Variants in SPEN observed in about 807,000 individuals in gnomAD.
SPEN encodes the protein msx2-interacting protein.
A neutral mutation model predicts 269.9 loss-of-function variants in SPEN; 18 were observed. That is an observed-to-expected ratio of 0.07 (90% CI 0.05 to 0.10). The LOEUF (loss-of-function observed/expected upper bound fraction) is 0.10. Among genes scored for constraint, SPEN ranks in the 10% least tolerant of loss-of-function variants. SPEN has a pLI of 1.00. For missense variants in SPEN, 3,822 were observed against 4,631.2 expected (o/e 0.83, Z 5.07); for synonymous variants, 1,726 against 1,765.7 (o/e 0.98, Z 0.56).
chr1:15,939,535 C>T lies in SPEN; in HGVS notation c.*108C>T. The T allele has an allele frequency of 7.4e-7, 1 of 1,352,358 alleles. No homozygotes were observed. The highest frequency in any genetic ancestry group is 9.8e-7 in the Non-Finnish European group (1 of 1,021,376). The allele number at this position is 1,352,358 out of a possible 1,614,324, so 83.8% of individuals were successfully genotyped here. The stretch of plus-strand genomic sequence containing the variant: ...AAGCTGCCGAAGGGGACAGACTCCA[C>T]TGCCAGACGGCCAGCCGTTTGCTGT... On this transcript the variant is annotated 3_prime_UTR_variant, in exon 15 of 15. Coordinates refer to ENST00000375759, the MANE Select transcript of SPEN (RefSeq NM_015001.3). This position sits in a 1 kb window ranked among gnomAD's most constrained non-coding sequence, Gnocchi z 4.1.
chr1:15,895,686 T>TC (rs1189581845), intron 3 of SPEN, among the ~76,000 whole-genome samples: 1 of 150,626 alleles, frequency 6.6e-6, no homozygotes, highest in Non-Finnish European at 1.5e-5. Flanking sequence ...ACCTTTTTTT[T>TC]TTTTTTTTTT....
intron 3 of SPEN, among the ~76,000 whole-genome samples, chr1:15,906,056 T>C (rs1232377028): frequency 6.6e-6 from 1 of 152,240 alleles, no homozygotes; most frequent in East Asian, 1.9e-4. Context: ...TAACATATTC[T>C]ATACTGTCAT....
chr1:15,868,929 T>C lies in SPEN; in HGVS notation c.84-3887T>C, dbSNP rs140941148. ...GTAGGAGTCTTGTAATCTGAGTATA[T>C]GATTTCAAGTTACATGCTACATTTA... is the stretch of plus-strand genomic sequence containing the variant. On this transcript the variant is annotated intron_variant, in intron 1 of 14. Coordinates refer to ENST00000375759, the MANE Select transcript of SPEN (RefSeq NM_015001.3). 2.4e-3 allele frequency among the ~76,000 whole-genome samples: 367 copies of C among 152,368 alleles called. 1 individual carries two copies. The highest frequency in any genetic ancestry group is 8.4e-3 in the African/African-American group (351 of 41,582).
chr1:15,875,689 A>C (rs1376622305), intron 2 of SPEN, among the ~76,000 whole-genome samples: 3 of 152,196 alleles, frequency 2.0e-5, no homozygotes, highest in African/African-American at 7.2e-5. Flanking sequence ...AGTTAAACTT[A>C]GAAAATTTTT....
At chr1:15,878,780 C>G (rs1180360544) in intron 3 of SPEN, among the ~76,000 whole-genome samples, 2 of 152,052 alleles carry the variant, frequency 1.3e-5, no homozygotes, top group African/African-American at 4.8e-5. Context: ...GAGGCTGAGG[C>G]AGGTGGATCA....
chr1:15,906,130 A>G (rs1200084954), intron 3 of SPEN, among the ~76,000 whole-genome samples: 1 of 152,192 alleles, frequency 6.6e-6, no homozygotes, highest in Non-Finnish European at 1.5e-5. Context: ...TATAACAAGT[A>G]TCTTTTTCCT....
In SPEN at chr1:15,932,420, T is replaced by G. The variant is rs774917236; in HGVS notation, c.6180T>G (p.Val2060=). Residue 2060 remains valine (V), a synonymous_variant, in exon 11 of 15, where the codon GTT becomes GTG. Transcript: ENST00000375759. The surrounding 1 kb of genome is among the most constrained non-coding windows in gnomAD (Gnocchi z 4.2). ...TDKNPPETAP[V]EVVEKKPAPE... The stretch of plus-strand genomic sequence containing the variant: ...AAAACCCCCCTGAAACCGCCCCTGT[T>G]GAAGTTGTAGAGAAAAAACCGGCCC... 42 of 1,613,714 alleles carry G rather than the reference T, an allele frequency of 2.6e-5. No individual in the cohort carries two copies. Among genetic ancestry groups the G allele is most frequent in the Non-Finnish European group, 3.4e-5 (40 of 1,179,986 alleles).
chr1:15,905,869 G>C (rs1015892636), intron 3 of SPEN, among the ~76,000 whole-genome samples: 1 of 152,120 alleles, frequency 6.6e-6, no homozygotes, highest in Non-Finnish European at 1.5e-5. Flanking sequence ...TACCGTGCTC[G>C]GCCCTTGTTA....
Position 15,931,346 on chromosome 1 carries a change from G to T in SPEN, c.5106G>T (p.Leu1702=), listed in dbSNP as rs201041689. 1.2e-6 allele frequency: 2 copies of T among 1,614,174 alleles called. No homozygotes were observed. Among genetic ancestry groups the T allele is most frequent in the Admixed American group, 1.7e-5 (1 of 60,014 alleles). ...APVEQLEQVD[L]PPGADPDKEA... is the part of the protein sequence containing the mutation. ...TGGAACAGCTGGAACAAGTAGACCT[G>T]CCCCCAGGAGCAGACCCCGATAAAG... The change falls in exon 11 of 15, where the codon CTG becomes CTT. Residue 1702 remains leucine, a synonymous_variant. Transcript: ENST00000375759. The surrounding 1 kb of genome is among the most constrained non-coding windows in gnomAD (Gnocchi z 4.8).
In SPEN at chr1:15,930,086, G is replaced by A. The variant is rs770927533; in HGVS notation, c.3846G>A (p.Leu1282=). ...DEDPIGSPRL[L]SVKGSPKVDE... ...ATCCCATAGGCTCCCCTAGGCTACTGTCAGTAAAAGGGTCTCCTAAAGTAG... is the reference window on the plus strand; with the variant it reads ...ATCCCATAGGCTCCCCTAGGCTACTATCAGTAAAAGGGTCTCCTAAAGTAG... Residue 1282 remains leucine (L), a synonymous_variant, in exon 11 of 15, where the codon CTG becomes CTA. Transcript: ENST00000375759. This position sits in a 1 kb window ranked among gnomAD's most constrained non-coding sequence, Gnocchi z 5.3. 7.4e-6 allele frequency: 12 copies of A among 1,614,204 alleles called. No individual in the cohort carries two copies. In the East Asian group the frequency reaches 2.5e-4, roughly 33 times the overall value.
chr1:15,916,081 T>G, intron 5 of SPEN, 47 bp from the exon 6 acceptor site: 1 of 1,565,106 alleles, frequency 6.4e-7, no homozygotes, highest in Non-Finnish European at 8.6e-7. Flanking sequence ...TAAATATGCA[T>G]TAAAATACTG....
At chr1:15,857,088 G>T (rs1056813109) in intron 1 of SPEN, among the ~76,000 whole-genome samples, 1 of 150,870 alleles carries the variant, frequency 6.6e-6, no homozygotes, top group South Asian at 2.1e-4. Context: ...CTTGAGACAG[G>T]ATCTCACTTT....
At position 15,929,299 on chromosome 1, in the gene SPEN, C is replaced by T; in HGVS notation, c.3059C>T (p.Pro1020Leu). Residue 1020 changes from proline to leucine, a missense_variant, in exon 11 of 15, where the codon CCT (proline) becomes CTT (leucine). Transcript: ENST00000375759. The surrounding 1 kb of genome is among the most constrained non-coding windows in gnomAD (Gnocchi z 5.8). ...EDARVLSKKQ[P>L]DVSSREVILL... ...GCTCGCGTGCTTTCAAAAAAGCAGC[C>T]TGACGTGTCCTCTAGAGAGGTCATT... 1 of 1,614,194 alleles carries T rather than the reference C, an allele frequency of 6.2e-7. No homozygotes were observed. Among genetic ancestry groups the T allele is most frequent in the East Asian group, 2.2e-5 (1 of 44,892 alleles).
intron 10 of SPEN, among the ~76,000 whole-genome samples, chr1:15,924,203 C>T (rs2071145909): frequency 6.6e-6 from 1 of 152,076 alleles, no homozygotes; most frequent in Non-Finnish European, 1.5e-5. Context: ...GTGTGTGTCT[C>T]ATGTCAAGAG....
chr1:15,907,811 TTA>T (rs1379634307), intron 3 of SPEN, among the ~76,000 whole-genome samples: 3 of 152,244 alleles, frequency 2.0e-5, no homozygotes, highest in African/African-American at 4.8e-5. Flanking sequence ...AAAGAGAATT[TTA>T]TGTTTCTCAC....
rs772394098 is a variant in SPEN at position 15,935,550 on chromosome 1, A to G, written c.9310A>G (p.Thr3104Ala). 2 of 1,613,846 alleles carry G rather than the reference A, an allele frequency of 1.2e-6. No homozygotes were observed. The highest frequency in any genetic ancestry group is 2.2e-5 in the East Asian group (1 of 44,850). ...GGGCGAGGTGAGAATGAACACTCCC[A>G]CGCTGCCCAGTATCACCTACAGCAT... is the stretch of plus-strand genomic sequence containing the variant. ...SQGEVRMNTP[T>A]LPSITYSIRP... The change falls in exon 11 of 15, where the codon ACG becomes GCG. Residue 3104 changes from threonine (T) to alanine (A), a missense_variant. Thr to Ala is a moderately conservative substitution (Grantham distance 58, BLOSUM62 0). Coordinates refer to ENST00000375759, the MANE Select transcript of SPEN (RefSeq NM_015001.3). The surrounding 1 kb of genome is among the most constrained non-coding windows in gnomAD (Gnocchi z 7.7).
At chr1:15,886,966 T>C (rs1316928567) in intron 3 of SPEN, among the ~76,000 whole-genome samples, 1 of 152,208 alleles carries the variant, frequency 6.6e-6, no homozygotes, top group Non-Finnish European at 1.5e-5. Context: ...TGGGTTTTAA[T>C]TTACTCTGGA....
intron 10 of SPEN, among the ~76,000 whole-genome samples, chr1:15,927,631 C>T (rs2071180871): frequency 6.6e-6 from 1 of 151,998 alleles, no homozygotes; most frequent in African/African-American, 2.4e-5. Context: ...GGGATATTGT[C>T]CAGTAACTAG....
intron 3 of SPEN, among the ~76,000 whole-genome samples, chr1:15,877,921 T>G (rs2070648194): frequency 6.6e-6 from 1 of 151,332 alleles, no homozygotes; most frequent in Admixed American, 6.6e-5. Context: ...ATTTTTGTAT[T>G]TTTAGTAGAA....
Sources: allele counts gnomAD v4.1 joint callset (sites outside exome capture counted in the v4.1 genomes callset), GRCh38; gene constraint gnomAD v4.1.1; non-coding constraint Gnocchi (gnomAD v3.1); transcripts MANE v1.5; gene names NCBI Gene and HGNC (gene_info 2026-07-23, HGNC 2026-07-21).